The following DYM variants were observed in gnomAD, a reference collection of about 807,000 sequenced individuals.
The protein encoded by DYM is dymeclin, also known as dyggve-Melchior-Clausen syndrome protein.
A neutral mutation model predicts 93.1 loss-of-function variants in DYM; 78 were observed. The ratio of observed to expected loss-of-function variants is 0.84; its 90% CI spans 0.70 to 1.01. The LOEUF (loss-of-function observed/expected upper bound fraction) is 1.01, where lower values mean the gene tolerates loss of function less well. Ranked by LOEUF, DYM falls within the 50% of genes least tolerant of loss-of-function variation. The pLI is 0.00. For missense variants in DYM, 789 were observed against 845.0 expected (o/e 0.93, Z 0.82); for synonymous variants, 321 against 319.7 (o/e 1.00, Z -0.04).
chr18:49,457,875 G>A (rs73447704), intron 1 of DYM, among the ~76,000 whole-genome samples: 2 of 152,152 alleles, frequency 1.3e-5, no homozygotes, highest in Admixed American at 1.3e-4. Flanking sequence ...ATGGAAGTAT[G>A]ATCAGAGAGA....
At chr18:49,228,227 T>C (rs2093596089) in intron 13 of DYM, among the ~76,000 whole-genome samples, 1 of 152,158 alleles carries the variant, frequency 6.6e-6, no homozygotes, top group East Asian at 1.9e-4. Context: ...CCACAAGTCA[T>C]CTTATGTATG....
chr18:49,080,628 CG>C (rs1396680635), intron 17 of DYM, among the ~76,000 whole-genome samples: 3 of 145,564 alleles, frequency 2.1e-5, no homozygotes, highest in Non-Finnish European at 4.5e-5. Context: ...GGCGGCTGGC[CG>C]GGCGGGGGGC....
intron 17 of DYM, among the ~76,000 whole-genome samples, chr18:49,073,060 A>G (rs1226450760): frequency 6.6e-6 from 1 of 152,238 alleles, no homozygotes; most frequent in African/African-American, 2.4e-5. Flanking sequence ...AATGTATAAA[A>G]ATGAACACAT....
At chr18:49,271,093 T>C (rs1262486665) in intron 11 of DYM, among the ~76,000 whole-genome samples, 1 of 152,004 alleles carries the variant, frequency 6.6e-6, no homozygotes, top group East Asian at 1.9e-4. Context: ...GATGAACAGA[T>C]CAACCAGGGC....
intron 2 of DYM, among the ~76,000 whole-genome samples, chr18:49,409,911 T>A (rs948688860): frequency 6.6e-6 from 1 of 152,220 alleles, no homozygotes; most frequent in Non-Finnish European, 1.5e-5. Context: ...TGATGTTCTG[T>A]GACTTAGGTC....
chr18:49,308,282 TTG>T (rs142624109), intron 8 of DYM, among the ~76,000 whole-genome samples: 11,802 of 112,142 alleles, frequency 0.11, 703 homozygotes, highest in East Asian at 0.35. Flanking sequence ...TCATACACAC[TTG>T]TGTGTGTATA....
At chr18:49,166,319 A>G (rs1052012076) in intron 14 of DYM, among the ~76,000 whole-genome samples, 1 of 152,212 alleles carries the variant, frequency 6.6e-6, no homozygotes, top group African/African-American at 2.4e-5. Flanking sequence ...CATTCATTCA[A>G]CAAACACATG....
At chr18:49,428,212 C>G (rs12455329) in intron 2 of DYM, among the ~76,000 whole-genome samples, 12,122 of 151,172 alleles carry the variant, frequency 0.08, 761 homozygotes, top group East Asian at 0.31. Flanking sequence ...AATCCCAGCA[C>G]TTTGGGGTGC....
At chr18:49,104,514 G>A (rs1490618822) in intron 16 of DYM, among the ~76,000 whole-genome samples, 3 of 152,170 alleles carry the variant, frequency 2.0e-5, no homozygotes, top group African/African-American at 7.2e-5. Context: ...AATGCTTCCA[G>A]TTTTTGCCCA....
At chr18:49,072,731 G>A (rs2076989409) in intron 17 of DYM, among the ~76,000 whole-genome samples, 1 of 152,238 alleles carries the variant, frequency 6.6e-6, no homozygotes, top group Non-Finnish European at 1.5e-5. Flanking sequence ...GAAGGAGTCA[G>A]CCTGTCTTTG....
At chr18:49,339,149 T>TA (rs1274729687) in intron 6 of DYM, among the ~76,000 whole-genome samples, 2 of 152,182 alleles carry the variant, frequency 1.3e-5, no homozygotes, top group Non-Finnish European at 1.5e-5. Context: ...CATGTGGTGA[T>TA]ATAAAAACCC....
intron 17 of DYM, among the ~76,000 whole-genome samples, chr18:49,075,978 G>A (rs1157654173): frequency 6.6e-6 from 1 of 152,202 alleles, no homozygotes; most frequent in East Asian, 1.9e-4. Flanking sequence ...CTGTGGCAAT[G>A]TTTATCCTCC....
intron 15 of DYM, among the ~76,000 whole-genome samples, chr18:49,136,209 G>A (rs978935073): frequency 9.8e-5 from 15 of 152,300 alleles, no homozygotes; most frequent in East Asian, 3.9e-4. Context: ...TTTAAAAACA[G>A]TTTGAAAGTC....
intron 5 of DYM, among the ~76,000 whole-genome samples, chr18:49,377,328 G>A (rs1333869467): frequency 6.6e-6 from 1 of 152,160 alleles, no homozygotes; most frequent in Non-Finnish European, 1.5e-5. Flanking sequence ...GGAAGGCCAA[G>A]GTGGGTGGAT....
chr18:49,243,284 T>G (rs1219525674), intron 13 of DYM, among the ~76,000 whole-genome samples: 1 of 152,184 alleles, frequency 6.6e-6, no homozygotes. Flanking sequence ...TGGAGATGTC[T>G]GACACATGGT....
chr18:49,336,499 T>A (rs1455102287), intron 6 of DYM, among the ~76,000 whole-genome samples: 2 of 152,164 alleles, frequency 1.3e-5, no homozygotes, highest in African/African-American at 4.8e-5. Context: ...CAATACAACA[T>A]GACAATAAGA....
intron 13 of DYM, among the ~76,000 whole-genome samples, chr18:49,252,215 T>TTG: frequency 2.2e-3 from 1 of 460 alleles, no homozygotes; most frequent in Non-Finnish European, 4.5e-3. Context: ...GAGACTTGCC[T>TTG]CAAAAAAAAA....
At chr18:49,437,237 T>C (rs2080937841) in intron 1 of DYM, among the ~76,000 whole-genome samples, 1 of 152,198 alleles carries the variant, frequency 6.6e-6, no homozygotes, top group Non-Finnish European at 1.5e-5. Flanking sequence ...TCTGTGTATA[T>C]ACAAACATAT....
chr18:49,329,694 TACA>T (rs2063175895), intron 8 of DYM: 1 of 152,250 alleles, frequency 6.6e-6, no homozygotes, highest in African/African-American at 2.4e-5. Context: ...TAAGGTTTTC[TACA>T]ACAAGGCACT....
Sources: allele counts gnomAD v4.1 joint callset (sites outside exome capture counted in the v4.1 genomes callset), GRCh38; gene constraint gnomAD v4.1.1; transcripts MANE v1.5; gene names NCBI Gene and HGNC (gene_info 2026-07-23, HGNC 2026-07-21).